BRWD1: variants seen among roughly 807,000 people sequenced by gnomAD.
BRWD1 encodes the protein bromodomain and WD repeat domain containing 1.
A neutral mutation model predicts 251.2 loss-of-function variants in BRWD1; 82 were observed. The ratio of observed to expected loss-of-function variants is 0.33; its 90% CI spans 0.27 to 0.39. The LOEUF (loss-of-function observed/expected upper bound fraction) is 0.39, where lower values mean the gene tolerates loss of function less well. BRWD1 is among the 10% of genes least tolerant of loss of function. The pLI, the probability that BRWD1 is intolerant of heterozygous loss-of-function variation, is 1.00. For synonymous variants in BRWD1, 918 were observed against 902.8 expected, an observed-to-expected ratio of 1.02 and a Z score of -0.30; for missense variants, 2,233 against 2,711.6, an observed-to-expected ratio of 0.82 and a Z score of 3.92.
At chr21:39,249,888 C>G (rs2034330680) in intron 20 of BRWD1, among the ~76,000 whole-genome samples, 1 of 150,670 alleles carries the variant, frequency 6.6e-6, no homozygotes, top group Non-Finnish European at 1.5e-5. Context: ...TGAAGAATCA[C>G]AGAACCAAGA....
At position 39,274,301 on chromosome 21, in the gene BRWD1, G is replaced by C. The variant is rs2035209252; in HGVS notation, c.1244+73C>G. The C allele has an allele frequency of 2.7e-6, 3 of 1,097,006 alleles. No homozygotes were observed. The Admixed American group carries it at 5.7e-5, about 21-fold the overall frequency. 68.0% of individuals were successfully genotyped at this position (1,097,006 alleles called of 1,614,324 possible). On this transcript the variant is annotated intron_variant, in intron 13 of 40. Coordinates refer to ENST00000342449, the MANE Select transcript of BRWD1 (RefSeq NM_033656.4). ...CAAAATAACCACTGAGAGACACAGAGAGCGAGAGAGAGAGAGAGAGAGAGA... is the reference window on the plus strand; with the variant it reads ...CAAAATAACCACTGAGAGACACAGACAGCGAGAGAGAGAGAGAGAGAGAGA...
chr21:39,269,240 CAA>C (rs1044232633), intron 15 of BRWD1, among the ~76,000 whole-genome samples: 2 of 133,312 alleles, frequency 1.5e-5, no homozygotes, highest in East Asian at 4.3e-4. Flanking sequence ...TATACATATG[CAA>C]AAAAAAAAAT....
In BRWD1 at chr21:39,270,242, C is replaced by CA. The variant is rs745655221; in HGVS notation, c.1395+40dup. On this transcript the variant is annotated intron_variant, in intron 14 of 40. Coordinates refer to ENST00000342449, the MANE Select transcript of BRWD1 (RefSeq NM_033656.4). The stretch of plus-strand genomic sequence containing the variant: ...TAGCTTCAAAATTACAATCATATTT[C>CA]AAAAAATCTCATTTGTTACACTGTA... The CA allele has an allele frequency of 5.4e-6, 8 of 1,483,792 alleles. No individual in the cohort carries two copies. The South Asian group carries it at 1.1e-4, about 21-fold the overall frequency. 91.9% of individuals were successfully genotyped at this position (1,483,792 alleles called of 1,614,324 possible). A position where few individuals can be genotyped will look rare whatever the true frequency, so the allele number is the denominator to read the frequency against.
chr21:39,255,280 C>T (rs9977762), intron 19 of BRWD1, among the ~76,000 whole-genome samples: 91,894 of 151,642 alleles, frequency 0.61, 28,054 homozygotes, highest in Admixed American at 0.66. Context: ...GGTGTGGTGG[C>T]GGGCGCCTGT....
chr21:39,249,913 GGGGTGTGTGT>G (rs751350868), intron 20 of BRWD1, among the ~76,000 whole-genome samples: 12,532 of 132,474 alleles, frequency 0.095, 616 homozygotes, highest in Middle Eastern at 0.2. Context: ...AAAAAGAAGG[GGGGTGTGTGT>G]GTGTGTGTGT....
chr21:39,312,983 G>GGCGGGGGGCGC, intron 3 of BRWD1, 83 bp from the exon 4 acceptor site: 1 of 983,268 alleles, frequency 1.0e-6, no homozygotes, highest in Non-Finnish European at 1.3e-6. Flanking sequence ...GCGGGCGGCG[G>GGCGGGGGGCGC]GCGGCGGGCG....
intron 21 of BRWD1, among the ~76,000 whole-genome samples, chr21:39,241,890 T>G (rs2034016713): frequency 6.6e-6 from 1 of 152,232 alleles, no homozygotes; most frequent in Admixed American, 6.5e-5. Flanking sequence ...ATTAATGATC[T>G]TTGATGTTAC....
rs777924008 is a variant in BRWD1, at chr21:39,313,265, C to A, written c.84G>T (p.Ala28=). ...LYFLIARYLS[A]GPCRRAAQVL... ...CCTGGGCCGCTCTCCGACACGGGCC[C>A]GCCGATAGGTACCGGGCGATAAGGA... The change falls in exon 2 of 41, where the codon GCG becomes GCT. Residue 28 remains alanine (A), a synonymous_variant. Transcript: ENST00000342449. 1.3e-6 allele frequency: 2 copies of A among 1,561,914 alleles called. No individual in the cohort carries two copies. The highest frequency in any genetic ancestry group is 2.8e-5 in the African/African-American group (2 of 70,630).
In BRWD1 at chr21:39,196,298, A is replaced by G. The variant is rs755476054; in HGVS notation, c.6771T>C (p.Ser2257=). ...CATTGAAATCTAACACATTTTCTAA[A>G]CTTCTGTCATCATCCCCATCATGGT... ...VRYHDGDDDR[S]LENVLDFNGC... The change falls in exon 41 of 41, where the codon AGT becomes AGC. Residue 2257 remains serine (S), a synonymous_variant. Transcript: ENST00000342449. 6.2e-7 allele frequency: 1 copy of G among 1,608,724 alleles called. No individual in the cohort carries two copies. The highest frequency in any genetic ancestry group is 8.5e-7 in the Non-Finnish European group (1 of 1,177,910).
intron 17 of BRWD1, among the ~76,000 whole-genome samples, chr21:39,262,810 G>A (rs764173808): frequency 5.3e-5 from 8 of 152,194 alleles, no homozygotes; most frequent in African/African-American, 7.2e-5. Flanking sequence ...AGAAAGGAGA[G>A]GACTGACTCC....
rs1310467580 is a variant in BRWD1 at position 39,211,013 on chromosome 21, A to G, written c.3901-84T>C. The G allele has an allele frequency of 3.7e-6, 5 of 1,348,312 alleles. No individual in the cohort carries two copies. The African/African-American group carries it at 7.6e-5, about 20-fold the overall frequency. The allele number at this position is 1,348,312 out of a possible 1,614,324, so 83.5% of individuals were successfully genotyped here. A position where few individuals can be genotyped will look rare whatever the true frequency, so the allele number is the denominator to read the frequency against. On this transcript the variant is annotated intron_variant, in intron 34 of 40. Coordinates refer to ENST00000342449, the MANE Select transcript of BRWD1 (RefSeq NM_033656.4). ...AAATGTAACTGATCTACTGTCTTCTATAAAAATACAATAATGTCATATATG... is the reference window on the plus strand; with the variant it reads ...AAATGTAACTGATCTACTGTCTTCTGTAAAAATACAATAATGTCATATATG...
chr21:39,303,035 C>T (rs1191145189), intron 4 of BRWD1, among the ~76,000 whole-genome samples: 1 of 151,780 alleles, frequency 6.6e-6, no homozygotes, highest in South Asian at 2.1e-4. Flanking sequence ...CTCCATCCTG[C>T]ACAACAGAGA....
At chr21:39,212,624 A>T in intron 34 of BRWD1, 42 bp downstream of exon 34, 1 of 1,453,426 alleles carries the variant, frequency 6.9e-7, no homozygotes, top group Non-Finnish European at 9.5e-7. Flanking sequence ...TTTAAAACAA[A>T]GAAAAAGAAA....
chr21:39,274,055 G>A (rs888955317), intron 13 of BRWD1, among the ~76,000 whole-genome samples: 22 of 151,964 alleles, frequency 1.4e-4, no homozygotes, highest in African/African-American at 4.8e-4. Context: ...CACTCTTAAC[G>A]TACTTGAGTT....
chr21:39,254,658 A>G (rs1220561983), intron 19 of BRWD1, among the ~76,000 whole-genome samples: 1 of 152,254 alleles, frequency 6.6e-6, no homozygotes, highest in Non-Finnish European at 1.5e-5. Flanking sequence ...AAAACTAAGT[A>G]TACTTGGGTT....
Position 39,202,483 on chromosome 21 carries a change from G to A in BRWD1, c.4427C>T (p.Pro1476Leu). ...TGTCCTACTTGAGGTAGACTGGGTAGGAGAACCTACCAACTCAGGAATTAT... is the reference window on the plus strand; with the variant it reads ...TGTCCTACTTGAGGTAGACTGGGTAAGAGAACCTACCAACTCAGGAATTAT... ...TKIIPELVGS[P>L]TQSTSSRTAY... Residue 1476 changes from proline (P) to leucine (L), a missense_variant, in exon 38 of 41, where the codon CCT becomes CTT. By Grantham distance (98) the Pro-to-Leu change is moderately conservative (BLOSUM62 -3). This residue lies in a region of BRWD1 where 928 missense variants were observed against 970.0 expected (regional missense o/e 0.96). Coordinates refer to ENST00000342449, the MANE Select transcript of BRWD1 (RefSeq NM_033656.4). 1 of 1,613,938 alleles carries A rather than the reference G, an allele frequency of 6.2e-7. No individual in the cohort carries two copies. Among genetic ancestry groups the A allele is most frequent in the Middle Eastern group, 1.7e-4 (1 of 6,060 alleles).
intron 4 of BRWD1, among the ~76,000 whole-genome samples, chr21:39,310,393 C>G (rs955089298): frequency 5.3e-5 from 8 of 151,176 alleles, no homozygotes; most frequent in Admixed American, 2.0e-4. Context: ...AATCCCAGCA[C>G]TTTGGGACAC....
chr21:39,187,887 C>T lies in BRWD1; in HGVS notation c.*8372G>A. The T allele has an allele frequency of 2.0e-6, 2 of 980,848 alleles. No homozygotes were observed. The highest frequency in any genetic ancestry group is 2.4e-6 in the Non-Finnish European group (2 of 825,836). The allele number at this position is 980,848 out of a possible 1,614,324, so 60.8% of individuals were successfully genotyped here. A position where few individuals can be genotyped will look rare whatever the true frequency, so the allele number is the denominator to read the frequency against. On this transcript the variant is annotated 3_prime_UTR_variant, in exon 41 of 41. Transcript: ENST00000342449. The stretch of plus-strand genomic sequence containing the variant: ...ACACAGACTGGAAACCTAACCTAGC[C>T]TAAGGGATCAAGGAAGGCTTCCTTT...
rs1220805107 is a variant in BRWD1 at position 39,274,356 on chromosome 21, C to G, written c.1244+18G>C. On this transcript the variant is annotated intron_variant, in intron 13 of 40. Transcript: ENST00000342449. ...TCGAACACCTATGATGCACCTACTT[C>G]TAACAATCTCAACTTACCCTGAGAT... 1 of 1,584,948 alleles carries G rather than the reference C, an allele frequency of 6.3e-7. No individual in the cohort carries two copies. Among genetic ancestry groups the G allele is most frequent in the Admixed American group, 1.7e-5 (1 of 59,956 alleles).
Sources: allele counts gnomAD v4.1 joint callset (sites outside exome capture counted in the v4.1 genomes callset), GRCh38; gene constraint gnomAD v4.1.1; regional missense constraint gnomAD v4.1.1; transcripts MANE v1.5; gene names NCBI Gene and HGNC (gene_info 2026-07-23, HGNC 2026-07-21).